NCKAP5: variants seen among roughly 807,000 people sequenced by gnomAD.
NCKAP5 encodes the protein nck-associated protein 5.
NCKAP5 carries 92 observed loss-of-function variants against 167.0 expected under a neutral mutation model. That is an observed-to-expected ratio of 0.55 (90% CI 0.47 to 0.66). The LOEUF (loss-of-function observed/expected upper bound fraction) is 0.66. Among genes scored for constraint, NCKAP5 ranks in the 30% least tolerant of loss-of-function variants. The pLI is 0.00. For missense variants in NCKAP5, 2,378 were observed against 2,315.0 expected (o/e 1.03, Z -0.56); for synonymous variants, 891 against 877.4 (o/e 1.02, Z -0.27).
chr2:133,563,474 C>A (rs1688313911), intron 1 of NCKAP5, among the ~76,000 whole-genome samples: 1 of 142,486 alleles, frequency 7.0e-6, no homozygotes, highest in Non-Finnish European at 1.5e-5. Context: ...GAGGCTGAGG[C>A]AGGAGAATAG....
intron 5 of NCKAP5, among the ~76,000 whole-genome samples, chr2:133,199,495 C>A (rs767713873): frequency 6.6e-6 from 1 of 151,976 alleles, no homozygotes; most frequent in African/African-American, 2.4e-5. Context: ...CTTTTATCAT[C>A]AAGGTAATGC....
chr2:133,477,043 G>C (rs1679978643), intron 3 of NCKAP5, among the ~76,000 whole-genome samples: 2 of 152,160 alleles, frequency 1.3e-5, no homozygotes, highest in South Asian at 4.1e-4. Context: ...GCTTTTGTTG[G>C]TCAGTCTCAA....
chr2:133,291,132 G>C (rs564084043), intron 4 of NCKAP5, among the ~76,000 whole-genome samples: 1 of 152,102 alleles, frequency 6.6e-6, no homozygotes, highest in Non-Finnish European at 1.5e-5. Context: ...CACATCCCCA[G>C]TTTTTGTCTC....
At chr2:133,000,261 C>G (rs2077734874) in intron 6 of NCKAP5, among the ~76,000 whole-genome samples, 1 of 152,064 alleles carries the variant, frequency 6.6e-6, no homozygotes, top group South Asian at 2.1e-4. Flanking sequence ...AGAAAGGGTC[C>G]CACCATGACT....
intron 4 of NCKAP5, among the ~76,000 whole-genome samples, chr2:133,289,954 G>A (rs12476326): frequency 3.3e-5 from 5 of 151,998 alleles, no homozygotes; most frequent in Admixed American, 6.5e-5. Context: ...GAGAACTCAC[G>A]CACTATCACG....
At chr2:132,895,668 C>T (rs1693130218) in intron 8 of NCKAP5, among the ~76,000 whole-genome samples, 1 of 151,942 alleles carries the variant, frequency 6.6e-6, no homozygotes, top group Non-Finnish European at 1.5e-5. Context: ...TGTGCTTAGC[C>T]CTCAACAAAC....
At chr2:133,446,640 C>T (rs1161159138) in intron 3 of NCKAP5, among the ~76,000 whole-genome samples, 1 of 152,240 alleles carries the variant, frequency 6.6e-6, no homozygotes, top group East Asian at 1.9e-4. Flanking sequence ...TCATGAGCCT[C>T]GTCCTGAGCA....
In NCKAP5 at chr2:132,676,461, CA is replaced by C. The variant is rs569503985; in HGVS notation, c.5714-3157del. On this transcript the variant is annotated intron_variant, in intron 19 of 19. Coordinates refer to ENST00000409261, the MANE Select transcript of NCKAP5 (RefSeq NM_207363.3). ...GTCTTAACTATGAGTCTGGGCTCCT[CA>C]AGTGGTGCTGCCAGCTACGAATAAA... 5.7e-4 allele frequency among the ~76,000 whole-genome samples: 87 copies of C among 151,870 alleles called. 1 individual carries two copies. The highest frequency in any genetic ancestry group is 9.4e-4 in the Non-Finnish European group (64 of 67,982).
chr2:133,319,037 GT>G (rs1681827116), intron 3 of NCKAP5, among the ~76,000 whole-genome samples: 1 of 152,030 alleles, frequency 6.6e-6, no homozygotes, highest in African/African-American at 2.4e-5. Context: ...ACAATGTATG[GT>G]TTTAGGAGCC....
At chr2:132,757,677 ACATAT>A (rs1324565290) in intron 16 of NCKAP5, among the ~76,000 whole-genome samples, 1 of 152,206 alleles carries the variant, frequency 6.6e-6, no homozygotes, top group Non-Finnish European at 1.5e-5. Flanking sequence ...GATTTAATGG[ACATAT>A]CATTGGGAAT....
At chr2:133,512,853 C>A (rs570558650) in intron 3 of NCKAP5, among the ~76,000 whole-genome samples, 1 of 152,046 alleles carries the variant, frequency 6.6e-6, no homozygotes, top group Non-Finnish European at 1.5e-5. Context: ...TCCCCCATGG[C>A]CCCTCCATGT....
At chr2:133,462,607 C>T (rs576225677) in intron 3 of NCKAP5, among the ~76,000 whole-genome samples, 12 of 152,094 alleles carry the variant, frequency 7.9e-5, no homozygotes, top group Admixed American at 3.3e-4. Flanking sequence ...GAACTAGCAA[C>T]GCAAGCCTAG....
intron 13 of NCKAP5, among the ~76,000 whole-genome samples, chr2:132,786,854 A>G (rs1683615942): frequency 6.6e-6 from 1 of 152,164 alleles, no homozygotes; most frequent in African/African-American, 2.4e-5. Flanking sequence ...GACTCAGTTC[A>G]AAAGTGGCAG....
intron 8 of NCKAP5, among the ~76,000 whole-genome samples, chr2:132,885,654 G>A (rs1029560268): frequency 2.6e-5 from 4 of 152,168 alleles, no homozygotes; most frequent in Non-Finnish European, 4.4e-5. Flanking sequence ...TGGAAAAGGG[G>A]TTTGACTTGA....
chr2:133,085,683 A>AT (rs2149609563), intron 6 of NCKAP5, among the ~76,000 whole-genome samples: 1 of 152,298 alleles, frequency 6.6e-6, no homozygotes, highest in Non-Finnish European at 1.5e-5. Flanking sequence ...AGCATGTGTT[A>AT]TAGGTCCTTG....
intron 8 of NCKAP5, among the ~76,000 whole-genome samples, chr2:132,897,695 G>A (rs770197457): frequency 4.6e-5 from 7 of 152,088 alleles, no homozygotes; most frequent in South Asian, 2.1e-4. Context: ...CAAGTCACAC[G>A]AATTTTTTAG....
At chr2:132,836,848 A>T (rs959052761) in intron 11 of NCKAP5, among the ~76,000 whole-genome samples, 1 of 152,134 alleles carries the variant, frequency 6.6e-6, no homozygotes, top group Admixed American at 6.5e-5. Flanking sequence ...CCTAGTCATC[A>T]TTCTGAGTCT....
intron 8 of NCKAP5, among the ~76,000 whole-genome samples, chr2:132,958,512 C>T (rs980676083): frequency 1.3e-5 from 2 of 152,138 alleles, no homozygotes; most frequent in African/African-American, 4.8e-5. Flanking sequence ...AAATGGCTTC[C>T]TTTTACATTT....
Position 133,030,652 on chromosome 2 carries a change from G to T in NCKAP5, c.342-36413C>A, listed in dbSNP as rs988889992. Among the ~76,000 whole-genome samples the T allele has an allele frequency of 2.0e-5, 3 of 152,180 alleles. No homozygotes were observed. In the East Asian group the frequency reaches 5.8e-4, roughly 29 times the overall value. On this transcript the variant is annotated intron_variant, in intron 6 of 19. Coordinates refer to ENST00000409261, the MANE Select transcript of NCKAP5 (RefSeq NM_207363.3). ...CTTAAGACATAAAAACTAAGTTATTGCAAATATTATTTTTTATCATAAATA... is the reference window on the plus strand; with the variant it reads ...CTTAAGACATAAAAACTAAGTTATTTCAAATATTATTTTTTATCATAAATA...
Sources: allele counts gnomAD v4.1 joint callset (sites outside exome capture counted in the v4.1 genomes callset), GRCh38; gene constraint gnomAD v4.1.1; transcripts MANE v1.5; gene names NCBI Gene and HGNC (gene_info 2026-07-23, HGNC 2026-07-21).